The following EXOC4 variants were observed in gnomAD, a reference collection of about 807,000 sequenced individuals.
EXOC4 encodes the protein SEC8-like 1.
In EXOC4, 71 loss-of-function variants were observed where a neutral mutation model predicts 107.2. The ratio of observed to expected loss-of-function variants is 0.66; its 90% CI spans 0.55 to 0.81. The LOEUF is 0.81. EXOC4 is among the 30% of genes least tolerant of loss of function. The pLI, the probability that EXOC4 is intolerant of heterozygous loss-of-function variation, is 0.00. For synonymous variants in EXOC4, 456 were observed against 441.2 expected, an observed-to-expected ratio of 1.03 and a Z score of -0.42; for missense variants, 1,108 against 1,189.6, an observed-to-expected ratio of 0.93 and a Z score of 1.01.
Position 133,997,645 on chromosome 7 carries a change from C to A in EXOC4, c.2348+12C>A. ...CATCTGGAAGTGAGGTATGATACAG[C>A]CAAGCCCAGGACCTTGCAATTTGAA... On this transcript the variant is annotated intron_variant, in intron 15 of 17. Transcript: ENST00000253861. 1 of 1,611,492 alleles carries A rather than the reference C, an allele frequency of 6.2e-7. No individual in the cohort carries two copies. Among genetic ancestry groups the A allele is most frequent in the Non-Finnish European group, 8.5e-7 (1 of 1,178,710 alleles).
At chr7:133,578,276 T>C (rs1460208219) in intron 9 of EXOC4, among the ~76,000 whole-genome samples, 1 of 152,176 alleles carries the variant, frequency 6.6e-6, no homozygotes, top group Non-Finnish European at 1.5e-5. Context: ...CTATCCTTGG[T>C]ACATAAAAAG....
At chr7:133,273,792 C>T (rs979966865) in intron 1 of EXOC4, among the ~76,000 whole-genome samples, 5 of 152,066 alleles carry the variant, frequency 3.3e-5, no homozygotes, top group Non-Finnish European at 7.3e-5. Context: ...TGCTGACAGA[C>T]CATCTCTGAA....
At chr7:133,682,649 G>C (rs1255304046) in intron 10 of EXOC4, among the ~76,000 whole-genome samples, 1 of 152,172 alleles carries the variant, frequency 6.6e-6, no homozygotes, top group South Asian at 2.1e-4. Context: ...AGATAAGCGT[G>C]GATGGCATTG....
intron 12 of EXOC4, among the ~76,000 whole-genome samples, chr7:133,907,598 G>A (rs1799595773): frequency 6.6e-6 from 1 of 152,184 alleles, no homozygotes; most frequent in African/African-American, 2.4e-5. Flanking sequence ...AGCACTTTGG[G>A]TGGCCTAGGT....
intron 14 of EXOC4, among the ~76,000 whole-genome samples, chr7:133,980,927 G>A (rs936678275): frequency 3.3e-5 from 5 of 152,140 alleles, no homozygotes; most frequent in Non-Finnish European, 7.4e-5. Context: ...TAGTCAATAT[G>A]TGTATCACAC....
chr7:134,013,851 G>C (rs550691947), intron 17 of EXOC4, among the ~76,000 whole-genome samples: 1 of 152,096 alleles, frequency 6.6e-6, no homozygotes, highest in Non-Finnish European at 1.5e-5. Context: ...TCTGTGCCCA[G>C]CAGGATTGCT....
chr7:134,079,700 G>T, the EXOC4 span, among the ~76,000 whole-genome samples: 1 of 152,170 alleles, frequency 6.6e-6, no homozygotes, highest in Non-Finnish European at 1.5e-5. Context: ...TTCAGATGCA[G>T]TGTCAGTTCC....
At chr7:134,063,515 G>A (rs761028043) in intron 17 of EXOC4, among the ~76,000 whole-genome samples, 41 of 152,090 alleles carry the variant, frequency 2.7e-4, no homozygotes, top group Non-Finnish European at 4.7e-4. Flanking sequence ...CTGTGCTTTC[G>A]TCTTTGTATC....
chr7:133,510,342 A>G (rs1354569228), intron 9 of EXOC4, among the ~76,000 whole-genome samples: 6 of 152,186 alleles, frequency 3.9e-5, no homozygotes, highest in Non-Finnish European at 8.8e-5. Context: ...GAATGAGTAT[A>G]CTGTATTTTG....
chr7:133,855,923 G>T (rs1400905150), intron 11 of EXOC4, among the ~76,000 whole-genome samples: 1 of 152,172 alleles, frequency 6.6e-6, no homozygotes, highest in East Asian at 1.9e-4. Context: ...TACGTAGGTT[G>T]TCACCCATAT....
At chr7:134,042,115 GA>G (rs1281674655) in intron 17 of EXOC4, among the ~76,000 whole-genome samples, 1 of 152,070 alleles carries the variant, frequency 6.6e-6, no homozygotes. Context: ...AATGTCTTAG[GA>G]AAAGGGAAAA....
intron 11 of EXOC4, among the ~76,000 whole-genome samples, chr7:133,828,721 A>C (rs557095234): frequency 6.6e-6 from 1 of 152,354 alleles, no homozygotes; most frequent in Admixed American, 6.5e-5. Context: ...AACAAGAGTG[A>C]CATGACACAG....
At chr7:133,256,122 C>T (rs914812769) in intron 1 of EXOC4, among the ~76,000 whole-genome samples, 1 of 152,070 alleles carries the variant, frequency 6.6e-6, no homozygotes, top group African/African-American at 2.4e-5. Context: ...GCTGGGACTA[C>T]AGGCATGCGC....
rs187668508 is a variant in EXOC4 at position 133,260,856 on chromosome 7, T to G, written c.86+7669T>G. 3.9e-5 allele frequency among the ~76,000 whole-genome samples: 6 copies of G among 152,256 alleles called. No homozygotes were observed. The East Asian group carries it at 1.2e-3, about 29-fold the overall frequency. On this transcript the variant is annotated intron_variant, in intron 1 of 17. Coordinates refer to ENST00000253861, the MANE Select transcript of EXOC4 (RefSeq NM_021807.4). ...ATATGTCTTTGGTCAGATTTCTATT[T>G]TAGGCCACTTCAAGTTGTGCTACAG...
chr7:133,694,293 C>T (rs1353154891), intron 10 of EXOC4, among the ~76,000 whole-genome samples: 3 of 150,374 alleles, frequency 2.0e-5, no homozygotes, highest in Admixed American at 2.0e-4. Flanking sequence ...GTTATAAATG[C>T]TAAGTCTCAG....
At chr7:133,746,681 T>C (rs959154311) in intron 10 of EXOC4, among the ~76,000 whole-genome samples, 1 of 152,206 alleles carries the variant, frequency 6.6e-6, no homozygotes, top group African/African-American at 2.4e-5. Flanking sequence ...TTTTTAAAGA[T>C]GAAACTTCAG....
At chr7:133,988,544 T>A (rs951725392) in intron 14 of EXOC4, among the ~76,000 whole-genome samples, 1 of 152,172 alleles carries the variant, frequency 6.6e-6, no homozygotes, top group Non-Finnish European at 1.5e-5. Context: ...TAATTAATGA[T>A]CTGGAAGGGA....
intron 4 of EXOC4, among the ~76,000 whole-genome samples, chr7:133,311,801 CTG>C (rs1339657273): frequency 2.0e-4 from 30 of 151,966 alleles, no homozygotes; most frequent in African/African-American, 5.1e-4. Flanking sequence ...GGGATATAGA[CTG>C]TTCATAGATT....
intron 9 of EXOC4, among the ~76,000 whole-genome samples, chr7:133,605,953 A>T (rs1341831805): frequency 6.6e-6 from 1 of 152,072 alleles, no homozygotes; most frequent in African/African-American, 2.4e-5. Flanking sequence ...TCAGGAGGAG[A>T]ATCAAGACAG....
Sources: allele counts gnomAD v4.1 joint callset (sites outside exome capture counted in the v4.1 genomes callset), GRCh38; gene constraint gnomAD v4.1.1; transcripts MANE v1.5; gene names NCBI Gene and HGNC (gene_info 2026-07-23, HGNC 2026-07-21).